The following MICAL3 variants were observed in gnomAD, a reference collection of about 807,000 sequenced individuals.
MICAL3 encodes the protein [F-actin]-monooxygenase MICAL3.
In MICAL3, 62 loss-of-function variants were observed where a neutral mutation model predicts 207.4. The ratio of observed to expected loss-of-function variants is 0.30; its 90% CI spans 0.24 to 0.37. The LOEUF (loss-of-function observed/expected upper bound fraction) is 0.37. Among genes scored for constraint, MICAL3 ranks in the 10% least tolerant of loss-of-function variants. MICAL3 has a pLI of 1.00. For missense variants in MICAL3, 2,368 were observed against 2,635.6 expected (o/e 0.90, Z 2.22); for synonymous variants, 1,077 against 1,069.3 (o/e 1.01, Z -0.14).
intron 1 of MICAL3, among the ~76,000 whole-genome samples, chr22:18,010,873 T>C (rs969773729): frequency 3.3e-5 from 5 of 151,956 alleles, no homozygotes; most frequent in Non-Finnish European, 5.9e-5. Flanking sequence ...GGGAAGAGAA[T>C]GGGGTATGCC....
intron 19 of MICAL3, chr22:17,861,029 C>A: frequency 2.0e-6 from 2 of 985,408 alleles, no homozygotes; most frequent in Non-Finnish European, 2.4e-6. Flanking sequence ...ATTCACACAT[C>A]ACCGTCAGCT....
chr22:17,962,926 A>G (rs11089210), intron 1 of MICAL3, among the ~76,000 whole-genome samples: 2 of 151,620 alleles, frequency 1.3e-5, no homozygotes, highest in African/African-American at 2.4e-5. Context: ...ATTTTTTTTT[A>G]AAAAATTTTA....
intron 19 of MICAL3, among the ~76,000 whole-genome samples, chr22:17,857,820 C>T (rs1244373429): frequency 1.3e-5 from 2 of 152,210 alleles, no homozygotes; most frequent in Non-Finnish European, 2.9e-5. Flanking sequence ...GTGCCTTCTT[C>T]CCGTTTTAGG....
At chr22:17,904,904 T>G (rs1381253395) in intron 2 of MICAL3, 65 bp from the exon 3 acceptor site, 1 of 1,207,254 alleles carries the variant, frequency 8.3e-7, no homozygotes, top group African/African-American at 1.5e-5. Flanking sequence ...AGAAGTCTCA[T>G]GATTGTAAGA....
At chr22:17,836,769 C>G (rs1416893692) in intron 20 of MICAL3, among the ~76,000 whole-genome samples, 6 of 151,966 alleles carry the variant, frequency 3.9e-5, no homozygotes, top group Non-Finnish European at 8.8e-5. Flanking sequence ...CTCAGCCTCT[C>G]GAGCAGCTGG....
intron 1 of MICAL3, among the ~76,000 whole-genome samples, chr22:18,021,612 T>C (rs1924482097): frequency 6.6e-6 from 1 of 152,198 alleles, no homozygotes; most frequent in African/African-American, 2.4e-5. Flanking sequence ...TTGTTCTAAC[T>C]GTTTTGGGTT....
Position 17,848,527 on chromosome 22 carries a change from G to A in MICAL3, c.2606-6510C>T, listed in dbSNP as rs891171275. On this transcript the variant is annotated intron_variant, in intron 19 of 31. Coordinates refer to ENST00000441493, the MANE Select transcript of MICAL3 (RefSeq NM_015241.3). ...CTGGTCAAAATACAGTGAAGAATCAGCTTGGATACTGGTTCACTCCTATCT... is the reference window on the plus strand; with the variant it reads ...CTGGTCAAAATACAGTGAAGAATCAACTTGGATACTGGTTCACTCCTATCT... Among the ~76,000 whole-genome samples the A allele has an allele frequency of 2.6e-5, 4 of 152,192 alleles. No homozygotes were observed. The South Asian group carries it at 8.3e-4, about 32-fold the overall frequency.
Position 17,793,140 on chromosome 22 carries a change from G to C in MICAL3, c.5651-1839C>G, listed in dbSNP as rs1413988190. Among the ~76,000 whole-genome samples the C allele has an allele frequency of 1.3e-5, 2 of 152,206 alleles. No homozygotes were observed. Among genetic ancestry groups the C allele is most frequent in the Non-Finnish European group, 2.9e-5 (2 of 68,036 alleles). On this transcript the variant is annotated intron_variant, in intron 29 of 31. Transcript: ENST00000441493. This position sits in a 1 kb window ranked among gnomAD's most constrained non-coding sequence, Gnocchi z 4.1. ...GGCTGTGGTGTGTGAGCGAGAGTCG[G>C]GTGAGCGCTGTGGACGGCAGGTAAG...
chr22:17,857,973 A>G (rs1926107590), intron 19 of MICAL3, among the ~76,000 whole-genome samples: 1 of 152,248 alleles, frequency 6.6e-6, no homozygotes, highest in African/African-American at 2.4e-5. Context: ...TTGGAGACCC[A>G]TTAAAGGGCC....
intron 1 of MICAL3, among the ~76,000 whole-genome samples, chr22:17,973,540 C>A (rs77109195): frequency 5.7e-4 from 87 of 152,280 alleles, no homozygotes; most frequent in African/African-American, 1.9e-3. Context: ...CACTGTGGAA[C>A]CGGGGTGGCA....
intron 1 of MICAL3, among the ~76,000 whole-genome samples, chr22:17,977,795 A>T (rs534436004): frequency 6.6e-6 from 1 of 152,194 alleles, no homozygotes; most frequent in African/African-American, 2.4e-5. Flanking sequence ...AGGCCGAGGC[A>T]GGAGGATCAC....
At chr22:17,876,007 G>A (rs770748480) in intron 16 of MICAL3, among the ~76,000 whole-genome samples, 6 of 152,212 alleles carry the variant, frequency 3.9e-5, no homozygotes, top group Admixed American at 2.0e-4. Flanking sequence ...AGGCAGCGGA[G>A]ACAGCAAATC....
intron 1 of MICAL3, among the ~76,000 whole-genome samples, chr22:17,962,104 G>A (rs1226515313): frequency 6.6e-6 from 1 of 152,210 alleles, no homozygotes; most frequent in Non-Finnish European, 1.5e-5. Flanking sequence ...GGGTAGGTCT[G>A]TCAATCGAGT....
chr22:17,861,535 C>T (rs149741042), intron 19 of MICAL3: 18,336 of 985,386 alleles, frequency 0.019, 203 homozygotes, highest in Non-Finnish European at 0.02. Flanking sequence ...AAAGAGGATT[C>T]CTCTGGACAA....
intron 17 of MICAL3, among the ~76,000 whole-genome samples, chr22:17,869,125 A>G (rs1240216764): frequency 6.6e-6 from 1 of 152,104 alleles, no homozygotes; most frequent in Non-Finnish European, 1.5e-5. Flanking sequence ...TATGGGATGG[A>G]AAGACACTGG....
intron 1 of MICAL3, among the ~76,000 whole-genome samples, chr22:17,949,688 T>A (rs1934239258): frequency 2.0e-5 from 3 of 152,260 alleles, no homozygotes; most frequent in African/African-American, 7.2e-5. Context: ...AATACCGTAG[T>A]GCCTGCTCAA....
intron 28 of MICAL3, 123 bp downstream of exon 28, chr22:17,810,580 A>C: frequency 2.8e-6 from 2 of 715,492 alleles, no homozygotes; most frequent in Non-Finnish European, 4.7e-6. Context: ...GGTGGCAGGG[A>C]GGCCCGTCTA....
Position 17,900,347 on chromosome 22 carries a change from G to A in MICAL3, c.847+495C>T, listed in dbSNP as rs926121267. 5.3e-5 allele frequency among the ~76,000 whole-genome samples: 8 copies of A among 152,198 alleles called. No homozygotes were observed. The highest frequency in any genetic ancestry group is 1.9e-4 in the African/African-American group (8 of 41,442). ...CCTCAGGCTGGGTGTGGTGGCTCAC[G>A]CTTGTAATCCTAGCACTTTGGGAGG... On this transcript the variant is annotated intron_variant, in intron 6 of 31. Transcript: ENST00000441493. The surrounding 1 kb of genome is among the most constrained non-coding windows in gnomAD (Gnocchi z 4.0).
intron 1 of MICAL3, among the ~76,000 whole-genome samples, chr22:17,943,224 G>A (rs370071432): frequency 1.8e-4 from 28 of 152,022 alleles, no homozygotes; most frequent in African/African-American, 6.0e-4. Context: ...GTGCAATGGC[G>A]CGATTTCAGC....
Sources: gnomAD v4.1 joint callset for allele counts (sites outside exome capture counted in the v4.1 genomes callset) on GRCh38, gnomAD v4.1.1 for gene constraint, Gnocchi (gnomAD v3.1) non-coding constraint, MANE v1.5 for transcripts, NCBI Gene and HGNC (gene_info 2026-07-23, HGNC 2026-07-21) for gene names.